The following VGLL3 variants were observed in gnomAD, a reference collection of about 807,000 sequenced individuals.
VGLL3 encodes transcription cofactor vestigial-like protein 3.
Under a neutral mutation model 29.2 loss-of-function variants are expected in VGLL3, and 18 were observed. The observed-to-expected ratio is 0.62, with a 90% CI of 0.43 to 0.91. The LOEUF (loss-of-function observed/expected upper bound fraction) is 0.91. Ranked by LOEUF, VGLL3 falls within the 40% of genes least tolerant of loss-of-function variation. The probability of loss-of-function intolerance (pLI) is 0.00; values close to 1 mark genes in which losing one functional copy is unlikely to be tolerated. For missense variants in VGLL3, 440 were observed against 413.2 expected (o/e 1.06, Z -0.56); for synonymous variants, 180 against 151.8 (o/e 1.19, Z -1.36).
In VGLL3 at chr3:86,990,898, G is replaced by T; in HGVS notation, c.-155C>A. 8.9e-7 allele frequency: 1 copy of T among 1,122,798 alleles called. No homozygotes were observed. The highest frequency in any genetic ancestry group is 1.1e-6 in the Non-Finnish European group (1 of 912,806). 69.6% of individuals were successfully genotyped at this position (1,122,798 alleles called of 1,614,324 possible). On this transcript the variant is annotated 5_prime_UTR_variant, in exon 1 of 4. Transcript: ENST00000398399. The stretch of plus-strand genomic sequence containing the variant: ...GGTCCTCGGCGGCCTCGGGCTCCGC[G>T]CGGGGCGCGGGGTCGGGAGGGACTG...
chr3:86,974,372 G>A (rs1010046130), intron 2 of VGLL3, among the ~76,000 whole-genome samples: 3 of 151,922 alleles, frequency 2.0e-5, no homozygotes, highest in African/African-American at 7.3e-5. Context: ...GCCCGGCCGC[G>A]GCCTCCCAAA....
rs1704329199 is a variant in VGLL3, at chr3:86,938,739, A to G, written c.*8285T>C. ...ATCAAAACATGTTTGCTTTTCCATAACAGTTTTCCACTGCTTAACTGATAG... is the reference window on the plus strand; with the variant it reads ...ATCAAAACATGTTTGCTTTTCCATAGCAGTTTTCCACTGCTTAACTGATAG... On this transcript the variant is annotated 3_prime_UTR_variant, in exon 4 of 4. Coordinates refer to ENST00000398399, the MANE Select transcript of VGLL3 (RefSeq NM_016206.4). The G allele has an allele frequency of 6.6e-6, 1 of 152,652 alleles. No homozygotes were observed. Among genetic ancestry groups the G allele is most frequent in the South Asian group, 2.1e-4 (1 of 4,832 alleles). The allele number at this position is 152,652 out of a possible 1,614,324, so 9.5% of individuals were successfully genotyped here. A position where few individuals can be genotyped will look rare whatever the true frequency, so the allele number is the denominator to read the frequency against.
intron 3 of VGLL3, among the ~76,000 whole-genome samples, chr3:86,956,111 T>C (rs1704716644): frequency 1.3e-5 from 2 of 152,240 alleles, no homozygotes; most frequent in Admixed American, 6.5e-5. Context: ...TTCTATATAA[T>C]CTTTGCAGAC....
At chr3:86,966,809 A>ATATATAGTATATATATATAGTGTG (rs1704975020) in intron 3 of VGLL3, among the ~76,000 whole-genome samples, 3 of 125,232 alleles carry the variant, frequency 2.4e-5, no homozygotes, top group African/African-American at 6.1e-5. Flanking sequence ...ATATATATAT[A>ATATATAGTATATATATATAGTGTG]TATATATATA....
chr3:86,948,768 C>T (rs1163325806), intron 3 of VGLL3, among the ~76,000 whole-genome samples: 1 of 151,924 alleles, frequency 6.6e-6, no homozygotes, highest in East Asian at 1.9e-4. Flanking sequence ...GTTTTCCTTT[C>T]CCATTTCGAA....
chr3:86,966,828 A>G (rs1422702379), intron 3 of VGLL3, among the ~76,000 whole-genome samples: 4 of 103,050 alleles, frequency 3.9e-5, no homozygotes. Flanking sequence ...TATATATAGT[A>G]CCCCAGGTAA....
At chr3:86,969,262 AG>A in intron 2 of VGLL3, 139 bp from the exon 3 acceptor site, 1 of 1,074,538 alleles carries the variant, frequency 9.3e-7, no homozygotes, top group South Asian at 1.7e-5. Context: ...CTCCCCAAAC[AG>A]GGGTGAATTG....
At position 86,943,155 on chromosome 3, in the gene VGLL3, A is replaced by ATT. The variant is rs1209158974; in HGVS notation, c.*3868_*3869insAA. Reference sequence around the variant, plus strand: ...AAACTAGAATTTAGAGAATGGCCTAACAGCCGAGTTCTTTTCCATTAATTC... The same window carrying ATT: ...AAACTAGAATTTAGAGAATGGCCTAATTCAGCCGAGTTCTTTTCCATTAATTC... On this transcript the variant is annotated 3_prime_UTR_variant, in exon 4 of 4. Coordinates refer to ENST00000398399, the MANE Select transcript of VGLL3 (RefSeq NM_016206.4). 2.6e-5 allele frequency: 4 copies of ATT among 152,182 alleles called. No homozygotes were observed. Among genetic ancestry groups the ATT allele is most frequent in the Non-Finnish European group, 5.9e-5 (4 of 68,030 alleles). The allele number at this position is 152,182 out of a possible 1,614,324, so 9.4% of individuals were successfully genotyped here. A position where few individuals can be genotyped will look rare whatever the true frequency, so the allele number is the denominator to read the frequency against.
Position 86,991,051 on chromosome 3 carries a change from T to A in VGLL3, c.-308A>T. Reference sequence around the variant, plus strand: ...CCGCTGGGGCATTACCGCGTCCGGCTCCCGCGAGGGCTGCGGCGCCCACGG... The same window carrying A: ...CCGCTGGGGCATTACCGCGTCCGGCACCCGCGAGGGCTGCGGCGCCCACGG... On this transcript the variant is annotated 5_prime_UTR_variant, in exon 1 of 4. Coordinates refer to ENST00000398399, the MANE Select transcript of VGLL3 (RefSeq NM_016206.4). The A allele has an allele frequency of 1.7e-6, 1 of 603,726 alleles. No individual in the cohort carries two copies. The highest frequency in any genetic ancestry group is 2.1e-6 in the Non-Finnish European group (1 of 478,204). The allele number at this position is 603,726 out of a possible 1,614,324, so 37.4% of individuals were successfully genotyped here. A position where few individuals can be genotyped will look rare whatever the true frequency, so the allele number is the denominator to read the frequency against.
chr3:86,960,130 G>C (rs72916065), intron 3 of VGLL3, among the ~76,000 whole-genome samples: 3,122 of 152,092 alleles, frequency 0.021, 107 homozygotes, highest in African/African-American at 0.071. Context: ...AAACACTAAG[G>C]TAGTTTAATT....
In VGLL3 at chr3:86,961,675, T is replaced by C. The variant is rs571027273; in HGVS notation, c.937+6915A>G. Among the ~76,000 whole-genome samples the C allele has an allele frequency of 3.3e-5, 5 of 152,268 alleles. No individual in the cohort carries two copies. The East Asian group carries it at 9.6e-4, about 29-fold the overall frequency. ...AGATAGCTGAAATCAGTCCTCCACA[T>C]CCTGTGACCCTCCCTTATTCATTGT... On this transcript the variant is annotated intron_variant, in intron 3 of 3. Transcript: ENST00000398399.
chr3:86,991,013 G>A lies in VGLL3; in HGVS notation c.-270C>T. 1 of 865,968 alleles carries A rather than the reference G, an allele frequency of 1.2e-6. No individual in the cohort carries two copies. The highest frequency in any genetic ancestry group is 1.4e-6 in the Non-Finnish European group (1 of 714,226). 53.6% of individuals were successfully genotyped at this position (865,968 alleles called of 1,614,324 possible). A position where few individuals can be genotyped will look rare whatever the true frequency, so the allele number is the denominator to read the frequency against. Reference sequence around the variant, plus strand: ...GCTTATATAGCGGCTCAGGGACGCAGCCGCCCGCTGCGCCGCTGGGGCATT... The same window carrying A: ...GCTTATATAGCGGCTCAGGGACGCAACCGCCCGCTGCGCCGCTGGGGCATT... On this transcript the variant is annotated 5_prime_UTR_variant, in exon 1 of 4. Coordinates refer to ENST00000398399, the MANE Select transcript of VGLL3 (RefSeq NM_016206.4).
chr3:86,950,180 G>A (rs1898270), intron 3 of VGLL3, among the ~76,000 whole-genome samples: 96,605 of 151,918 alleles, frequency 0.64, 32,970 homozygotes, highest in Non-Finnish European at 0.75. Flanking sequence ...ACATCTGCTT[G>A]CCTTCTTTAT....
intron 3 of VGLL3, among the ~76,000 whole-genome samples, chr3:86,947,506 A>T (rs1170306844): frequency 6.6e-6 from 1 of 152,202 alleles, no homozygotes; most frequent in Non-Finnish European, 1.5e-5. Context: ...TGTGATAAAT[A>T]AATTCTGTTG....
At chr3:86,962,233 C>T in intron 3 of VGLL3, 1 of 985,396 alleles carries the variant, frequency 1.0e-6, no homozygotes. Flanking sequence ...TTCAAGGTAC[C>T]TGTATGTAAT....
chr3:86,953,612 T>G (rs1285639740), intron 3 of VGLL3, among the ~76,000 whole-genome samples: 1 of 152,190 alleles, frequency 6.6e-6, no homozygotes, highest in Admixed American at 6.5e-5. Flanking sequence ...CTATTTATGA[T>G]CAATATTATA....
At position 86,968,704 on chromosome 3, in the gene VGLL3, G is replaced by A; in HGVS notation, c.823C>T (p.Pro275Ser). ...PSVHAARIPAPQCDITKTEPT... is the reference protein window; with the variant it reads ...PSVHAARIPASQCDITKTEPT... ...TCTGTCTTTGTGATGTCACACTGGGGAGCAGGAATCCTGGCCGCATGCACT... is the reference window on the plus strand; with the variant it reads ...TCTGTCTTTGTGATGTCACACTGGGAAGCAGGAATCCTGGCCGCATGCACT... Residue 275 changes from proline (P) to serine (S), a missense_variant, in exon 3 of 4, where the codon CCC (proline) becomes TCC (serine). Pro to Ser is a moderately conservative substitution (Grantham distance 74). Coordinates refer to ENST00000398399, the MANE Select transcript of VGLL3 (RefSeq NM_016206.4). 6.2e-7 allele frequency: 1 copy of A among 1,614,188 alleles called. No individual in the cohort carries two copies. Among genetic ancestry groups the A allele is most frequent in the Non-Finnish European group, 8.5e-7 (1 of 1,180,032 alleles).
intron 3 of VGLL3, among the ~76,000 whole-genome samples, chr3:86,963,606 T>A (rs1704902971): frequency 6.6e-6 from 1 of 152,224 alleles, no homozygotes; most frequent in African/African-American, 2.4e-5. Context: ...TAATAAATTT[T>A]TAGAAGTTAA....
At position 86,938,156 on chromosome 3, in the gene VGLL3, G is replaced by T. The variant is rs969260264; in HGVS notation, c.*8868C>A. ...TTCCCAGACTTACTGAGTTATAATT[G>T]ACACATAAAAGTTATATATATTTAA... On this transcript the variant is annotated 3_prime_UTR_variant, in exon 4 of 4. Coordinates refer to ENST00000398399, the MANE Select transcript of VGLL3 (RefSeq NM_016206.4). The T allele has an allele frequency of 1.3e-5, 2 of 152,034 alleles. No individual in the cohort carries two copies. The highest frequency in any genetic ancestry group is 4.8e-5 in the African/African-American group (2 of 41,388). The allele number at this position is 152,034 out of a possible 1,614,324, so 9.4% of individuals were successfully genotyped here. A position where few individuals can be genotyped will look rare whatever the true frequency, so the allele number is the denominator to read the frequency against.
Sources: allele counts gnomAD v4.1 joint callset (sites outside exome capture counted in the v4.1 genomes callset), GRCh38; gene constraint gnomAD v4.1.1; transcripts MANE v1.5; gene names NCBI Gene and HGNC (gene_info 2026-07-23, HGNC 2026-07-21).